The following POLH variants were observed in gnomAD, a reference collection of about 807,000 sequenced individuals.
POLH encodes DNA polymerase eta, also known as DNA polymerase eta transcript.
In POLH, 53 loss-of-function variants were observed where a neutral mutation model predicts 73.6. The ratio of observed to expected loss-of-function variants is 0.72; its 90% CI spans 0.58 to 0.91. The LOEUF is 0.91. POLH is among the 40% of genes least tolerant of loss of function. The probability of loss-of-function intolerance (pLI) is 0.00; values close to 1 mark genes in which losing one functional copy is unlikely to be tolerated. For missense variants in POLH, 768 were observed against 865.4 expected (o/e 0.89, Z 1.41); for synonymous variants, 292 against 308.5 (o/e 0.95, Z 0.56).
At chr6:43,604,400 A>C (rs560551013) in intron 7 of POLH, among the ~76,000 whole-genome samples, 4 of 152,366 alleles carry the variant, frequency 2.6e-5, no homozygotes, top group Middle Eastern at 3.4e-3. Flanking sequence ...ACTTGGCTTT[A>C]GAAGACAAAA....
At chr6:43,594,467 A>T (rs576531268) in intron 4 of POLH, among the ~76,000 whole-genome samples, 1 of 152,288 alleles carries the variant, frequency 6.6e-6, no homozygotes, top group East Asian at 1.9e-4. Flanking sequence ...TCACGCCTGT[A>T]ATCCCAGCAC....
chr6:43,584,854 A>G (rs1764630960), intron 3 of POLH, among the ~76,000 whole-genome samples: 1 of 152,192 alleles, frequency 6.6e-6, no homozygotes, highest in Non-Finnish European at 1.5e-5. Context: ...CGAAGGATAC[A>G]GATAGGTTGG....
chr6:43,599,987 C>T (rs915179924), intron 5 of POLH, among the ~76,000 whole-genome samples: 4 of 151,608 alleles, frequency 2.6e-5, no homozygotes, highest in African/African-American at 7.3e-5. Context: ...GGAGAAACTC[C>T]GTCTCTACTA....
rs903194322 is a variant in POLH at position 43,579,724 on chromosome 6, G to A, written c.-4-2592G>A. 6.0e-4 allele frequency among the ~76,000 whole-genome samples: 92 copies of A among 152,112 alleles called. 2 individuals are homozygous for A. The highest frequency in any genetic ancestry group is 5.8e-3 in the Admixed American group (88 of 15,260). ...GTAGGGGGCAGTCTTGTGGGACTGA[G>A]CCATCAACCTGTGAGATCTGACGCT... On this transcript the variant is annotated intron_variant, in intron 1 of 10. Coordinates refer to ENST00000372236, the MANE Select transcript of POLH (RefSeq NM_006502.3).
At chr6:43,607,486 T>G (rs1171556181) in intron 9 of POLH, among the ~76,000 whole-genome samples, 1 of 152,242 alleles carries the variant, frequency 6.6e-6, no homozygotes, top group Non-Finnish European at 1.5e-5. Context: ...GACATTTGAG[T>G]ATATTTCCAC....
At chr6:43,589,081 G>A (rs886582233) in intron 4 of POLH, among the ~76,000 whole-genome samples, 15 of 150,200 alleles carry the variant, frequency 1.0e-4, no homozygotes, top group African/African-American at 2.7e-4. Flanking sequence ...CTTGTGATCC[G>A]CCCGCCTCGG....
Position 43,614,772 on chromosome 6 carries a change from A to G in POLH, c.*215A>G. Reference sequence around the variant, plus strand: ...CAGAGATGTAAAAATTCATCCTACCAGAGTTTTTAATCTTTAGCATTTAGG... The same window carrying G: ...CAGAGATGTAAAAATTCATCCTACCGGAGTTTTTAATCTTTAGCATTTAGG... On this transcript the variant is annotated 3_prime_UTR_variant, in exon 11 of 11. Coordinates refer to ENST00000372236, the MANE Select transcript of POLH (RefSeq NM_006502.3). 3 of 538,464 alleles carry G rather than the reference A, an allele frequency of 5.6e-6. No homozygotes were observed. Among genetic ancestry groups the G allele is most frequent in the Non-Finnish European group, 6.5e-6 (2 of 308,644 alleles). 33.4% of individuals were successfully genotyped at this position (538,464 alleles called of 1,614,324 possible).
At chr6:43,601,515 C>T (rs368167165) in intron 6 of POLH, among the ~76,000 whole-genome samples, 3 of 152,192 alleles carry the variant, frequency 2.0e-5, no homozygotes. Context: ...ATTTGCCCTC[C>T]TCAGCCTCCC....
intron 6 of POLH, among the ~76,000 whole-genome samples, chr6:43,603,333 G>T (rs1005528348): frequency 6.6e-6 from 1 of 151,972 alleles, no homozygotes; most frequent in African/African-American, 2.4e-5. Flanking sequence ...GTTTCGCCAT[G>T]TTGTTCAGAC....
chr6:43,580,351 T>TC (rs1763905614), intron 1 of POLH, among the ~76,000 whole-genome samples: 1 of 145,904 alleles, frequency 6.9e-6, no homozygotes, highest in African/African-American at 2.5e-5. Flanking sequence ...CTCAATCTTT[T>TC]CCCCACCTTT....
At position 43,613,935 on chromosome 6, in the gene POLH, C is replaced by T. The variant is rs1160039280; in HGVS notation, c.1520C>T (p.Ala507Val). The T allele has an allele frequency of 1.2e-6, 2 of 1,613,940 alleles. No individual in the cohort carries two copies. The highest frequency in any genetic ancestry group is 4.5e-5 in the East Asian group (2 of 44,890). The change falls in exon 11 of 11, where the codon GCT becomes GTT. Residue 507 changes from alanine to valine, a missense_variant. Physicochemically the swap from Ala to Val is moderately conservative, Grantham distance 64 (BLOSUM62 0). Coordinates refer to ENST00000372236, the MANE Select transcript of POLH (RefSeq NM_006502.3). ...SLSSLTAPTQ[A>V]PMSNSPSKPS... The stretch of plus-strand genomic sequence containing the variant: ...TCATCTCTTACTGCTCCCACTCAGG[C>T]TCCCATGAGCAATTCACCATCCAAG...
At chr6:43,592,695 G>A (rs540004708) in intron 4 of POLH, among the ~76,000 whole-genome samples, 20 of 152,214 alleles carry the variant, frequency 1.3e-4, no homozygotes, top group African/African-American at 4.3e-4. Flanking sequence ...GATTACAGGC[G>A]TCAGCCACTA....
At chr6:43,606,501 T>C (rs1767314956) in intron 9 of POLH, among the ~76,000 whole-genome samples, 1 of 152,138 alleles carries the variant, frequency 6.6e-6, no homozygotes, top group Admixed American at 6.6e-5. Flanking sequence ...CAATCTTGGC[T>C]CACTGCAACC....
intron 3 of POLH, among the ~76,000 whole-genome samples, chr6:43,585,461 C>T (rs1582275585): frequency 6.6e-6 from 1 of 152,078 alleles, no homozygotes; most frequent in African/African-American, 2.4e-5. Context: ...TTTTGGTGAC[C>T]TGCCCTATCC....
chr6:43,592,906 A>T (rs372835671), intron 4 of POLH, among the ~76,000 whole-genome samples: 3 of 152,238 alleles, frequency 2.0e-5, no homozygotes, highest in Non-Finnish European at 4.4e-5. Flanking sequence ...ACACAGAGAC[A>T]TGGTCTCACT....
At chr6:43,582,807 A>G (rs1351683860) in intron 2 of POLH, among the ~76,000 whole-genome samples, 200 bp from the exon 3 acceptor site, 1 of 152,214 alleles carries the variant, frequency 6.6e-6, no homozygotes, top group Non-Finnish European at 1.5e-5. Context: ...TTGGCCTCCC[A>G]AAGTACAGGA....
intron 4 of POLH, among the ~76,000 whole-genome samples, chr6:43,592,975 G>A (rs904676149): frequency 2.6e-5 from 4 of 152,120 alleles, no homozygotes; most frequent in South Asian, 2.1e-4. Flanking sequence ...CCACTTCAGC[G>A]TCCCAAAGTG....
intron 3 of POLH, 89 bp downstream of exon 3, chr6:43,583,230 T>G (rs780842667): frequency 7.4e-6 from 9 of 1,211,670 alleles, no homozygotes; most frequent in Non-Finnish European, 1.1e-5. Context: ...ATTTGTTCCA[T>G]GTAAATAACA....
rs1480385288 is a variant in POLH at position 43,618,270 on chromosome 6, C to T, written c.*3713C>T. On this transcript the variant is annotated 3_prime_UTR_variant, in exon 11 of 11. Coordinates refer to ENST00000372236, the MANE Select transcript of POLH (RefSeq NM_006502.3). ...TCTCGGGTTCAAGCAATTCTCCTGCCTCAGCTTCCCGAATAGCTGAGACTA... is the reference window on the plus strand; with the variant it reads ...TCTCGGGTTCAAGCAATTCTCCTGCTTCAGCTTCCCGAATAGCTGAGACTA... Among the ~76,000 whole-genome samples, 1 of 151,296 alleles carries T rather than the reference C, an allele frequency of 6.6e-6. No homozygotes were observed. The highest frequency in any genetic ancestry group is 1.5e-5 in the Non-Finnish European group (1 of 67,780).
Sources: allele counts gnomAD v4.1 joint callset (sites outside exome capture counted in the v4.1 genomes callset), GRCh38; gene constraint gnomAD v4.1.1; transcripts MANE v1.5; gene names NCBI Gene and HGNC (gene_info 2026-07-23, HGNC 2026-07-21).